PAX6: variants seen among roughly 807,000 people sequenced by gnomAD.
The protein encoded by PAX6 is paired box protein Pax-6.
PAX6 carries 7 observed loss-of-function variants against 60.7 expected under a neutral mutation model. The observed-to-expected ratio is 0.12, with a 90% confidence interval of 0.07 to 0.22. The LOEUF (loss-of-function observed/expected upper bound fraction) is 0.22. Among genes scored for constraint, PAX6 ranks in the 10% least tolerant of loss-of-function variants. The pLI is 1.00. For missense variants in PAX6, 355 were observed against 555.2 expected, an observed-to-expected ratio of 0.64 and a Z score of 3.62; for synonymous variants, 208 against 201.2, an observed-to-expected ratio of 1.03 and a Z score of -0.29.
intron 12 of PAX6, chr11:31,791,372 C>A: frequency 4.6e-6 from 1 of 215,524 alleles, no homozygotes; most frequent in Non-Finnish European, 9.5e-6. Flanking sequence ...TTTGAAGAAG[C>A]AGATCTGTAA....
chr11:31,793,876 C>G lies in PAX6; in HGVS notation c.808-74G>C. ...CCCCACCTTGGCACCTCCACTGCTG[C>G]CCTCCCCACGCCCATGGCAGCAGAG... On this transcript the variant is annotated intron_variant, in intron 10 of 13. Transcript: ENST00000640368. 1.9e-6 allele frequency: 3 copies of G among 1,542,702 alleles called. No homozygotes were observed. The Admixed American group carries it at 5.0e-5, about 26-fold the overall frequency.
chr11:31,806,091 G>A lies in PAX6; in HGVS notation c.10+311C>T, dbSNP rs1042395470. 2.1e-5 allele frequency: 9 copies of A among 430,780 alleles called. No homozygotes were observed. In the Admixed American group the frequency reaches 2.6e-4, roughly 13 times the overall value. The allele number at this position is 430,780 out of a possible 1,614,324, so 26.7% of individuals were successfully genotyped here. A position where few individuals can be genotyped will look rare whatever the true frequency, so the allele number is the denominator to read the frequency against. The stretch of plus-strand genomic sequence containing the variant: ...GCCCCTCTCTCCGGGGTCAGAGCCC[G>A]GGCAGGGGCGAGAGGGGGTGTGAGT... On this transcript the variant is annotated intron_variant, in intron 4 of 13. Coordinates refer to ENST00000640368, the MANE Select transcript of PAX6 (RefSeq NM_001368894.2).
chr11:31,807,997 G>A (rs551477889), intron 2 of PAX6: 116 of 152,296 alleles, frequency 7.6e-4, no homozygotes, highest in African/African-American at 2.7e-3. Flanking sequence ...TGTTACTGGT[G>A]TGAGTTGTTA....
chr11:31,806,222 G>A (rs2135288451), intron 4 of PAX6, 180 bp downstream of exon 4: 1 of 593,488 alleles, frequency 1.7e-6, no homozygotes, highest in Non-Finnish European at 2.9e-6. Context: ...GAAGAGCCAA[G>A]CAAACGCCCT....
At chr11:31,812,294 C>CTGTGTGTG (rs1185164641), upstream of PAX6, 3 of 108,178 alleles carry the variant, frequency 2.8e-5, no homozygotes, top group African/African-American at 1.5e-4. Flanking sequence ...GGGATTCTCT[C>CTGTGTGTG]TCTCTCTCTG....
chr11:31,800,983 C>A, intron 7 of PAX6, 127 bp from the exon 8 acceptor site: 1 of 986,584 alleles, frequency 1.0e-6, no homozygotes, highest in South Asian at 1.3e-5. Context: ...CACCCCGGGA[C>A]AGTGGGTGGA....
At chr11:31,815,569 A>G (rs965480354), upstream of PAX6, among the ~76,000 whole-genome samples, 2 of 152,156 alleles carry the variant, frequency 1.3e-5, no homozygotes, top group African/African-American at 4.8e-5. Context: ...TCAAGCATCC[A>G]GGGAACCGAA....
intron 5 of PAX6, 170 bp downstream of exon 5, chr11:31,802,534 A>T: frequency 1.6e-6 from 1 of 614,208 alleles, no homozygotes. Context: ...AGGATGGTGG[A>T]AGGAGAGGGG....
rs1369050933 is a variant in PAX6 at position 31,806,424 on chromosome 11, TG to T, written c.-14del. The stretch of plus-strand genomic sequence containing the variant: ...TACTGTTCTGCATGCTGGCTCTGGC[TG>T]GGGGCCGCGGGATTCCACGGGGCTC... On this transcript the variant is annotated 5_prime_UTR_variant, in exon 4 of 14. Coordinates refer to ENST00000640368, the MANE Select transcript of PAX6 (RefSeq NM_001368894.2). 4 of 1,609,562 alleles carry T rather than the reference TG, an allele frequency of 2.5e-6. No individual in the cohort carries two copies. The Admixed American group carries it at 6.7e-5, about 27-fold the overall frequency.
At chr11:31,808,713 T>C (rs1261096232) in intron 2 of PAX6, 1 of 152,164 alleles carries the variant, frequency 6.6e-6, no homozygotes, top group African/African-American at 2.4e-5. Flanking sequence ...GGGAAGGTGG[T>C]AGTATTTCAA....
chr11:31,802,643 A>G (rs1954412516), intron 5 of PAX6, 61 bp downstream of exon 5: 19 of 1,564,078 alleles, frequency 1.2e-5, no homozygotes, highest in Non-Finnish European at 1.5e-5. Context: ...AGAAATGAAG[A>G]GAGGGCGTTG....
At chr11:31,790,198 G>C in intron 13 of PAX6, 179 bp from the exon 14 acceptor site, 1 of 603,760 alleles carries the variant, frequency 1.7e-6, no homozygotes, top group Non-Finnish European at 2.9e-6. Context: ...TCAGAAACTA[G>C]ACAATATATG....
At chr11:31,796,127 A>G (rs1951418781) in intron 8 of PAX6, among the ~76,000 whole-genome samples, 1 of 152,230 alleles carries the variant, frequency 6.6e-6, no homozygotes, top group African/African-American at 2.4e-5. Context: ...AGGCGGATTC[A>G]TCGGCACTGG....
intron 10 of PAX6, 111 bp from the exon 11 acceptor site, chr11:31,793,913 C>G (rs151261037): frequency 3.6e-6 from 5 of 1,372,606 alleles, no homozygotes; most frequent in African/African-American, 2.9e-5. Context: ...ATTTAGCAGA[C>G]TGAACCTTTT....
At chr11:31,794,347 AT>A (rs1950782478) in intron 9 of PAX6, 1 of 619,728 alleles carries the variant, frequency 1.6e-6, no homozygotes, top group Admixed American at 2.8e-5. Flanking sequence ...CCAAATCATC[AT>A]TTTTCCTTAT....
chr11:31,794,822 T>C (rs372252053), intron 8 of PAX6, 34 bp from the exon 9 acceptor site: 2 of 1,608,798 alleles, frequency 1.2e-6, no homozygotes, highest in Middle Eastern at 1.7e-4. Flanking sequence ...TAAGAGAAAT[T>C]TGGATTAACT....
chr11:31,795,948 G>T (rs1400927528), intron 8 of PAX6, among the ~76,000 whole-genome samples: 2 of 152,208 alleles, frequency 1.3e-5, no homozygotes, highest in Non-Finnish European at 2.9e-5. Flanking sequence ...GGGTGGAGGG[G>T]CCCCTAGGAG....
In PAX6 at chr11:31,801,549, CAA is replaced by C. The variant is rs2135085957; in HGVS notation, c.399+10_399+11del. On this transcript the variant is annotated intron_variant, in intron 7 of 13. Coordinates refer to ENST00000640368, the MANE Select transcript of PAX6 (RefSeq NM_001368894.2). ...TTAGGGCAGGGAGGGCAGATGTTCTCAATGAACTTACGCTTGGTATGTTATCG... is the reference window on the plus strand; with the variant it reads ...TTAGGGCAGGGAGGGCAGATGTTCTCTGAACTTACGCTTGGTATGTTATCG... 6.2e-7 allele frequency: 1 copy of C among 1,614,098 alleles called. No homozygotes were observed. Among genetic ancestry groups the C allele is most frequent in the Middle Eastern group, 1.7e-4 (1 of 6,014 alleles).
At chr11:31,803,264 A>C in intron 4 of PAX6, 1 of 221,812 alleles carries the variant, frequency 4.5e-6, no homozygotes, top group Non-Finnish European at 9.2e-6. Context: ...CAGCCTCTGA[A>C]CCCACAAAGC....
Sources: allele counts gnomAD v4.1 joint callset (sites outside exome capture counted in the v4.1 genomes callset), GRCh38; gene constraint gnomAD v4.1.1; transcripts MANE v1.5; gene names NCBI Gene and HGNC (gene_info 2026-07-23, HGNC 2026-07-21).